The following CAMTA1 variants were observed in gnomAD, a reference collection of about 807,000 sequenced individuals.
CAMTA1 encodes the protein calmodulin-binding transcription activator 1.
In CAMTA1, 27 loss-of-function variants were observed where a neutral mutation model predicts 170.9. That is an observed-to-expected ratio of 0.16 (90% CI 0.12 to 0.22). The LOEUF is 0.22. CAMTA1 is among the 10% of genes least tolerant of loss of function. The pLI is 1.00. For synonymous variants in CAMTA1, 833 were observed against 891.5 expected (o/e 0.93, Z 1.17); for missense variants, 1,619 against 2,217.2 (o/e 0.73, Z 5.42).
intron 3 of CAMTA1, among the ~76,000 whole-genome samples, chr1:6,979,680 G>T (rs191909706): frequency 6.6e-6 from 1 of 152,294 alleles, no homozygotes; most frequent in Admixed American, 6.5e-5. Flanking sequence ...TTCTTAGAAC[G>T]CTGCTACCAT....
At chr1:7,128,945 A>G (rs1250545499) in intron 4 of CAMTA1, among the ~76,000 whole-genome samples, 1 of 141,964 alleles carries the variant, frequency 7.0e-6, no homozygotes, top group Non-Finnish European at 1.5e-5. Flanking sequence ...GGTTCAAGTG[A>G]TTCTCCTGTT....
chr1:6,827,571 T>G (rs540668126), intron 3 of CAMTA1, among the ~76,000 whole-genome samples: 4 of 151,362 alleles, frequency 2.6e-5, no homozygotes, highest in South Asian at 2.1e-4. Flanking sequence ...GTAATATAGG[T>G]GGAATAAAGC....
rs1024529129 is a variant in CAMTA1 at position 7,643,809 on chromosome 1, C to T, written c.664+3256C>T. 5.3e-5 allele frequency among the ~76,000 whole-genome samples: 8 copies of T among 152,188 alleles called. No homozygotes were observed. In the South Asian group the frequency reaches 1.0e-3, roughly 20 times the overall value. ...GCACGGCTCTGACAGAAACACAGCC[C>T]GAGAAACAGCCCTGGAAATGCGGCT... is the stretch of plus-strand genomic sequence containing the variant. On this transcript the variant is annotated intron_variant, in intron 7 of 22. Transcript: ENST00000303635.
rs149948214 is a variant in CAMTA1 at position 7,198,872 on chromosome 1, C to T, written c.303-50619C>T. 7.8e-4 allele frequency among the ~76,000 whole-genome samples: 118 copies of T among 152,218 alleles called. 1 individual carries two copies. The East Asian group carries it at 0.022, about 28-fold the overall frequency. ...GGAGCCCTCTGCAGGCAGGGAGCCC[C>T]GCGGGCAACGCTGGATGCAGGCAGG... is the stretch of plus-strand genomic sequence containing the variant. On this transcript the variant is annotated intron_variant, in intron 4 of 22. Coordinates refer to ENST00000303635, the MANE Select transcript of CAMTA1 (RefSeq NM_015215.4).
chr1:7,193,682 G>A (rs1292573721), intron 4 of CAMTA1, among the ~76,000 whole-genome samples: 13 of 152,124 alleles, frequency 8.5e-5, no homozygotes, highest in African/African-American at 3.1e-4. Context: ...ACACACAGAG[G>A]GTCTGGTCCC....
At chr1:7,284,174 C>CTTGTTA (rs1424647736) in intron 5 of CAMTA1, among the ~76,000 whole-genome samples, 1 of 108,098 alleles carries the variant, frequency 9.3e-6, no homozygotes, top group African/African-American at 3.8e-5. Flanking sequence ...TCTTCTTCTT[C>CTTGTTA]TTCTTATTAT....
intron 5 of CAMTA1, among the ~76,000 whole-genome samples, chr1:7,388,805 C>A (rs2088328051): frequency 6.6e-6 from 1 of 152,218 alleles, no homozygotes; most frequent in African/African-American, 2.4e-5. Flanking sequence ...CAGCTCCCAT[C>A]CTGTCCCATG....
chr1:6,826,123 A>G (rs1394956975), intron 3 of CAMTA1, among the ~76,000 whole-genome samples: 2 of 152,182 alleles, frequency 1.3e-5, no homozygotes, highest in Non-Finnish European at 2.9e-5. Context: ...ATTGAGCCTT[A>G]TTTTTTAAAG....
chr1:6,790,863 A>G (rs1640892444), intron 1 of CAMTA1, among the ~76,000 whole-genome samples: 2 of 152,200 alleles, frequency 1.3e-5, no homozygotes, highest in South Asian at 4.1e-4. Flanking sequence ...ACAATTTGAA[A>G]TACCCCTTTT....
At chr1:7,749,186 T>C (rs941247498) in intron 19 of CAMTA1, among the ~76,000 whole-genome samples, 2 of 152,230 alleles carry the variant, frequency 1.3e-5, no homozygotes, top group African/African-American at 4.8e-5. Flanking sequence ...TAATAAATTC[T>C]AATATGTGTA....
chr1:7,440,978 C>T (rs1164303371), intron 5 of CAMTA1: 1 of 152,218 alleles, frequency 6.6e-6, no homozygotes, highest in African/African-American at 2.4e-5. Context: ...ACTCTGTCTC[C>T]ATTTGACTGG....
chr1:7,153,221 T>C (rs1230310433), intron 4 of CAMTA1, among the ~76,000 whole-genome samples: 1 of 152,196 alleles, frequency 6.6e-6, no homozygotes, highest in African/African-American at 2.4e-5. Flanking sequence ...AGATTTGGTA[T>C]TCATGAGAAA....
intron 4 of CAMTA1, among the ~76,000 whole-genome samples, chr1:7,104,517 A>G (rs950779577): frequency 6.6e-6 from 1 of 152,164 alleles, no homozygotes; most frequent in Non-Finnish European, 1.5e-5. Flanking sequence ...GTGGAGAGCC[A>G]GAGGAGCTCT....
In CAMTA1 at chr1:7,634,804, G is replaced by C. The variant is rs1474414756; in HGVS notation, c.511-5596G>C. On this transcript the variant is annotated intron_variant, in intron 6 of 22. Transcript: ENST00000303635. The surrounding 1 kb of genome is among the most constrained non-coding windows in gnomAD (Gnocchi z 6.2). Reference sequence around the variant, plus strand: ...TTTCTGTCTGGGTTTGGTTTTGGTGGTGGTTGGTGGTGGTAGAGCGGGGCC... The same window carrying C: ...TTTCTGTCTGGGTTTGGTTTTGGTGCTGGTTGGTGGTGGTAGAGCGGGGCC... 6.6e-6 allele frequency among the ~76,000 whole-genome samples: 1 copy of C among 152,112 alleles called. No individual in the cohort carries two copies. The highest frequency in any genetic ancestry group is 1.5e-5 in the Non-Finnish European group (1 of 68,018).
chr1:7,390,709 C>T (rs61772167), intron 5 of CAMTA1, among the ~76,000 whole-genome samples: 1,571 of 152,336 alleles, frequency 0.01, 13 homozygotes, highest in Non-Finnish European at 0.018. Context: ...CTGCTCCACT[C>T]TGCAAAGAAA....
intron 5 of CAMTA1, among the ~76,000 whole-genome samples, chr1:7,310,700 C>CTCTCTCTCTCTCTCTCTG: frequency 1.9e-5 from 1 of 53,494 alleles, no homozygotes; most frequent in Non-Finnish European, 3.2e-5. Context: ...CTCTCTCTCT[C>CTCTCTCTCTCTCTCTCTG]TCTTTCTTTC....
rs1280661453 is a variant in CAMTA1 at position 6,965,679 on chromosome 1, A to G, written c.235-125625A>G. On this transcript the variant is annotated intron_variant, in intron 3 of 22. Transcript: ENST00000303635. This position sits in a 1 kb window ranked among gnomAD's most constrained non-coding sequence, Gnocchi z 4.1. ...AAGTAAAGAAAACTTAGCTGGCAAT[A>G]AAATAAGGGACTTTTTATGGTGGTT... 6.6e-6 allele frequency among the ~76,000 whole-genome samples: 1 copy of G among 152,218 alleles called. No individual in the cohort carries two copies. The highest frequency in any genetic ancestry group is 1.5e-5 in the Non-Finnish European group (1 of 68,048).
Position 7,435,481 on chromosome 1 carries a change from T to G in CAMTA1, c.439-32349T>G, listed in dbSNP as rs981591977. Among the ~76,000 whole-genome samples the G allele has an allele frequency of 6.6e-6, 1 of 152,174 alleles. No individual in the cohort carries two copies. Among genetic ancestry groups the G allele is most frequent in the Non-Finnish European group, 1.5e-5 (1 of 68,036 alleles). On this transcript the variant is annotated intron_variant, in intron 5 of 22. Transcript: ENST00000303635. This position sits in a 1 kb window ranked among gnomAD's most constrained non-coding sequence, Gnocchi z 4.4. ...CTGTTTTGAAACAGAACCTTCCGGT[T>G]TGTTGAGGGTTGGGTCATCATCCCC... is the stretch of plus-strand genomic sequence containing the variant.
chr1:7,317,586 G>A (rs1158980016), intron 5 of CAMTA1, among the ~76,000 whole-genome samples: 3 of 152,158 alleles, frequency 2.0e-5, no homozygotes, highest in African/African-American at 4.8e-5. Flanking sequence ...ACTCTTTGTC[G>A]GTGCTCTCTC....
Sources: gnomAD v4.1 joint callset for allele counts (sites outside exome capture counted in the v4.1 genomes callset) on GRCh38, gnomAD v4.1.1 for gene constraint, Gnocchi (gnomAD v3.1) non-coding constraint, MANE v1.5 for transcripts, NCBI Gene and HGNC (gene_info 2026-07-23, HGNC 2026-07-21) for gene names.